Variants in ADGRL2 observed in about 807,000 individuals in gnomAD.
ADGRL2 encodes the protein calcium-independent alpha-latrotoxin receptor 2.
In ADGRL2, 44 loss-of-function variants were observed where a neutral mutation model predicts 157.4. That is an observed-to-expected ratio of 0.28 (90% CI 0.22 to 0.36). ADGRL2 has a LOEUF of 0.36. Among genes scored for constraint, ADGRL2 ranks in the 10% least tolerant of loss-of-function variants. The pLI, the probability that ADGRL2 is intolerant of heterozygous loss-of-function variation, is 1.00. For missense variants in ADGRL2, 1,510 were observed against 1,768.9 expected (o/e 0.85, Z 2.63); for synonymous variants, 585 against 624.7 (o/e 0.94, Z 0.95).
intron 3 of ADGRL2, among the ~76,000 whole-genome samples, chr1:81,654,883 A>G (rs756472188): frequency 3.9e-5 from 6 of 152,170 alleles, no homozygotes; most frequent in Non-Finnish European, 7.4e-5. Context: ...CTGTCCGTTA[A>G]TCTCTCTTGC....
intron 1 of ADGRL2, among the ~76,000 whole-genome samples, chr1:81,417,723 T>C (rs2101508290): frequency 6.6e-6 from 1 of 152,340 alleles, no homozygotes; most frequent in East Asian, 1.9e-4. Context: ...TTGGTTTTCT[T>C]GCTTCTAAGG....
chr1:81,927,856 A>G (rs2095143466), intron 3 of ADGRL2, among the ~76,000 whole-genome samples: 1 of 152,054 alleles, frequency 6.6e-6, no homozygotes, highest in African/African-American at 2.4e-5. Context: ...TATTTAAAGA[A>G]AGCAAGACCC....
chr1:81,763,700 T>C (rs550322464), intron 2 of ADGRL2, among the ~76,000 whole-genome samples: 1 of 151,056 alleles, frequency 6.6e-6, no homozygotes, highest in African/African-American at 2.4e-5. Flanking sequence ...CTGGCCAATA[T>C]GGTGAAACCC....
intron 2 of ADGRL2, among the ~76,000 whole-genome samples, chr1:81,579,146 C>T (rs1014711326): frequency 2.6e-5 from 4 of 152,132 alleles, no homozygotes; most frequent in African/African-American, 9.7e-5. Context: ...TCAAATTCCA[C>T]CAAGGGGAAA....
intron 22 of ADGRL2, chr1:81,987,238 A>G (rs1478931024): frequency 2.0e-6 from 3 of 1,474,340 alleles, no homozygotes; most frequent in Non-Finnish European, 2.8e-6. Flanking sequence ...ATTTACAATA[A>G]TGATCCATGT....
At chr1:81,727,581 C>T (rs187657197) in intron 1 of ADGRL2, among the ~76,000 whole-genome samples, 24 of 152,004 alleles carry the variant, frequency 1.6e-4, no homozygotes, top group East Asian at 9.7e-4. Flanking sequence ...TACAGGCACG[C>T]GCCACCATAC....
chr1:81,933,268 C>T (rs944916115), intron 3 of ADGRL2, among the ~76,000 whole-genome samples: 1 of 152,118 alleles, frequency 6.6e-6, no homozygotes, highest in Non-Finnish European at 1.5e-5. Flanking sequence ...TTGCCTTGTT[C>T]TCATTCATAC....
chr1:81,963,311 T>A (rs75048253), intron 11 of ADGRL2, among the ~76,000 whole-genome samples: 12,218 of 152,058 alleles, frequency 0.08, 568 homozygotes, highest in African/African-American at 0.13. Context: ...TTAACGTCCC[T>A]CGTTATTACT....
At chr1:81,529,347 G>C (rs1193199434) in intron 2 of ADGRL2, among the ~76,000 whole-genome samples, 1 of 152,228 alleles carries the variant, frequency 6.6e-6, no homozygotes, top group African/African-American at 2.4e-5. Flanking sequence ...TGAAGCATGA[G>C]AGGCAGGGGC....
intron 2 of ADGRL2, chr1:81,557,015 C>G (rs2080296310): frequency 8.3e-6 from 1 of 119,858 alleles, no homozygotes; most frequent in African/African-American, 4.4e-5. Context: ...GAGGCGGACT[C>G]CGTCTCAAAA....
chr1:81,943,315 C>T lies in ADGRL2; in HGVS notation c.756C>T (p.Ala252=). The T allele has an allele frequency of 6.2e-7, 1 of 1,613,452 alleles. No individual in the cohort carries two copies. The highest frequency in any genetic ancestry group is 8.5e-7 in the Non-Finnish European group (1 of 1,179,628). Residue 252 remains alanine (A), a synonymous_variant, in exon 6 of 24, where the codon GCC becomes GCT. Transcript: ENST00000686636. This position sits in a 1 kb window ranked among gnomAD's most constrained non-coding sequence, Gnocchi z 5.6. Reference sequence around the variant, plus strand: ...GTGGCGAGGCCATAATTAACTATGCCAACTACCATGATACCTCACCATACA... The same window carrying T: ...GTGGCGAGGCCATAATTAACTATGCTAACTACCATGATACCTCACCATACA... ...IKSGEAIINY[A]NYHDTSPYRW...
chr1:81,984,846 TG>T, intron 20 of ADGRL2, 135 bp downstream of exon 20: 1 of 961,760 alleles, frequency 1.0e-6, no homozygotes, highest in South Asian at 1.9e-5. Context: ...TTTAGTATTT[TG>T]GTTTCAATGT....
At chr1:81,701,857 T>G (rs567379332) in intron 1 of ADGRL2, among the ~76,000 whole-genome samples, 2 of 152,226 alleles carry the variant, frequency 1.3e-5, no homozygotes, top group Non-Finnish European at 2.9e-5. Context: ...TCCCAGGAAT[T>G]GTCTCAGGAA....
chr1:81,790,029 A>G (rs1255152848), intron 2 of ADGRL2, among the ~76,000 whole-genome samples: 2 of 152,198 alleles, frequency 1.3e-5, no homozygotes, highest in African/African-American at 4.8e-5. Context: ...ACCAGGGTGC[A>G]AAACATAACC....
chr1:81,807,050 A>G (rs1054636592), intron 1 of ADGRL2, among the ~76,000 whole-genome samples: 2 of 152,022 alleles, frequency 1.3e-5, no homozygotes, highest in African/African-American at 4.8e-5. Flanking sequence ...AATAAAATGC[A>G]TCGTTACAAA....
intron 3 of ADGRL2, among the ~76,000 whole-genome samples, chr1:81,626,369 G>A (rs867679479): frequency 3.3e-5 from 5 of 152,200 alleles, no homozygotes; most frequent in Middle Eastern, 3.4e-3. Flanking sequence ...GCAGAGGTGC[G>A]ATCTCAGCTC....
intron 10 of ADGRL2, among the ~76,000 whole-genome samples, chr1:81,953,354 G>C (rs1557988857): frequency 6.6e-6 from 1 of 152,000 alleles, no homozygotes; most frequent in Non-Finnish European, 1.5e-5. Flanking sequence ...AAACAGCTAT[G>C]ATATATTCTC....
chr1:81,855,539 CTTCTTTTTCTTT>C (rs147323058), intron 2 of ADGRL2, among the ~76,000 whole-genome samples: 7,212 of 152,140 alleles, frequency 0.047, 505 homozygotes, highest in African/African-American at 0.15. Flanking sequence ...TTTTCTTCCT[CTTCTTTTTCTTT>C]TTCTTTTTTT....
At chr1:81,636,109 C>G (rs1448525447) in intron 3 of ADGRL2, among the ~76,000 whole-genome samples, 1 of 152,102 alleles carries the variant, frequency 6.6e-6, no homozygotes, top group Non-Finnish European at 1.5e-5. Flanking sequence ...GACTGGCTGA[C>G]CTAAGGCCTT....
Sources: allele counts gnomAD v4.1 joint callset (sites outside exome capture counted in the v4.1 genomes callset), GRCh38; gene constraint gnomAD v4.1.1; non-coding constraint Gnocchi (gnomAD v3.1); transcripts MANE v1.5; gene names NCBI Gene and HGNC (gene_info 2026-07-23, HGNC 2026-07-21).